AIRE: variants seen among roughly 807,000 people sequenced by gnomAD.
AIRE encodes the protein autoimmune regulator.
A neutral mutation model predicts 62.1 loss-of-function variants in AIRE; 52 were observed. The ratio of observed to expected loss-of-function variants is 0.84; its 90% CI spans 0.67 to 1.06. AIRE has a LOEUF of 1.06. AIRE is among the 50% of genes least tolerant of loss of function. The pLI is 0.00. For synonymous variants in AIRE, 342 were observed against 321.6 expected (o/e 1.06, Z -0.68); for missense variants, 774 against 755.8 (o/e 1.02, Z -0.28).
In AIRE at chr21:44,290,016, A is replaced by C. The variant is rs780067507; in HGVS notation, c.827A>C (p.Gln276Pro). 1 of 1,610,992 alleles carries C rather than the reference A, an allele frequency of 6.2e-7. No homozygotes were observed. The highest frequency in any genetic ancestry group is 8.5e-7 in the Non-Finnish European group (1 of 1,179,462). The change falls in exon 7 of 14, where the codon CAG (glutamine) becomes CCG (proline). Residue 276 changes from glutamine to proline, a missense_variant. Physicochemically the swap from Gln to Pro is moderately conservative, Grantham distance 76. Coordinates refer to ENST00000291582, the MANE Select transcript of AIRE (RefSeq NM_000383.4). ...GGAGGTGAGGCTAGGCTGGGCCAGC[A>C]GGGCAGCGTTCCCGCCCCTCTGGCC... ...PGGGEARLGQ[Q>P]GSVPAPLALP...
At chr21:44,288,280 CATAGAGT>C in intron 4 of AIRE, 58 bp from the exon 5 acceptor site, 2 of 1,303,966 alleles carry the variant, frequency 1.5e-6, no homozygotes, top group Non-Finnish European at 2.2e-6. Flanking sequence ...CTGCTTCTGG[CATAGAGT>C]ATGTGCTTGG....
chr21:44,290,161 T>G, intron 7 of AIRE, 93 bp downstream of exon 7: 1 of 1,543,172 alleles, frequency 6.5e-7, no homozygotes, highest in Non-Finnish European at 8.8e-7. Context: ...CACTCAGGGA[T>G]GAGCACCGGG....
At chr21:44,295,135 G>C (rs893855230) in intron 12 of AIRE, among the ~76,000 whole-genome samples, 1 of 152,192 alleles carries the variant, frequency 6.6e-6, no homozygotes, top group Non-Finnish European at 1.5e-5. Flanking sequence ...CCCCAGCAGA[G>C]GCCTCCTGAG....
In AIRE at chr21:44,287,568, A is replaced by T; in HGVS notation, c.515A>T (p.Gln172Leu). 5.1e-6 allele frequency: 8 copies of T among 1,558,730 alleles called. No individual in the cohort carries two copies. Among genetic ancestry groups the T allele is most frequent in the Non-Finnish European group, 6.9e-6 (8 of 1,151,362 alleles). The change falls in exon 4 of 14, where the codon CAG (glutamine) becomes CTG (leucine). Residue 172 changes from glutamine (Q) to leucine (L), a missense_variant. Transcript: ENST00000291582. The surrounding 1 kb of genome is among the most constrained non-coding windows in gnomAD (Gnocchi z 4.3). ...AAGAAGCCGGAGAGCAGCGCAGAGC[A>T]GCAGCGCCTTCCACTCGGGAACGGT... ...PPKKPESSAE[Q>L]QRLPLGNGIQ...
At chr21:44,289,397 T>A (rs992766088) in intron 5 of AIRE, 10 of 543,594 alleles carry the variant, frequency 1.8e-5, no homozygotes, top group African/African-American at 3.8e-5. Flanking sequence ...TAATCACATC[T>A]ACAAAGACCC....
At position 44,286,202 on chromosome 21, in the gene AIRE, A is replaced by G. The variant is rs894203608; in HGVS notation, c.132+64A>G. 6.9e-7 allele frequency: 1 copy of G among 1,452,292 alleles called. No homozygotes were observed. The highest frequency in any genetic ancestry group is 1.4e-5 in the African/African-American group (1 of 69,436). The allele number at this position is 1,452,292 out of a possible 1,614,324, so 90.0% of individuals were successfully genotyped here. Reference sequence around the variant, plus strand: ...GTGAGCCAGGGATAGTCCCCGGGGAAGTTCCAGGAGGACCCCGCCCCTCCA... The same window carrying G: ...GTGAGCCAGGGATAGTCCCCGGGGAGGTTCCAGGAGGACCCCGCCCCTCCA... On this transcript the variant is annotated intron_variant, in intron 1 of 13. Coordinates refer to ENST00000291582, the MANE Select transcript of AIRE (RefSeq NM_000383.4). This position sits in a 1 kb window ranked among gnomAD's most constrained non-coding sequence, Gnocchi z 6.0.
In AIRE at chr21:44,286,939, C is replaced by T; in HGVS notation, c.308-39C>T. On this transcript the variant is annotated intron_variant, in intron 2 of 13. Coordinates refer to ENST00000291582, the MANE Select transcript of AIRE (RefSeq NM_000383.4). This position sits in a 1 kb window ranked among gnomAD's most constrained non-coding sequence, Gnocchi z 6.0. Reference sequence around the variant, plus strand: ...GGGCCCACCCTACCCCTGGAGAAAACCCTGAGGTTGGGACCCTGCTCCTGC... The same window carrying T: ...GGGCCCACCCTACCCCTGGAGAAAATCCTGAGGTTGGGACCCTGCTCCTGC... 1 of 1,612,548 alleles carries T rather than the reference C, an allele frequency of 6.2e-7. No homozygotes were observed. Among genetic ancestry groups the T allele is most frequent in the Non-Finnish European group, 8.5e-7 (1 of 1,179,854 alleles).
Position 44,287,133 on chromosome 21 carries a change from G to C in AIRE, c.463G>C (p.Gly155Arg). 6.2e-7 allele frequency: 1 copy of C among 1,612,216 alleles called. No homozygotes were observed. Among genetic ancestry groups the C allele is most frequent in the Non-Finnish European group, 8.5e-7 (1 of 1,179,892 alleles). The change falls in exon 3 of 14, where the codon GGC becomes CGC. Residue 155 changes from glycine to arginine, a missense_variant and splice_region_variant. Around this residue, in one of 3 missense-constraint regions of AIRE, gnomAD observed 385 missense variants for 396.0 expected, o/e 0.97. Coordinates refer to ENST00000291582, the MANE Select transcript of AIRE (RefSeq NM_000383.4). This position sits in a 1 kb window ranked among gnomAD's most constrained non-coding sequence, Gnocchi z 4.3. ...ALTPRGTASP[G>R]SQLKAKPPKK... Reference sequence around the variant, plus strand: ...GACTCCAAGGGGCACCGCCAGCCCAGGTACCCTCCCTGCAGGGGAAGCCAG... The same window carrying C: ...GACTCCAAGGGGCACCGCCAGCCCACGTACCCTCCCTGCAGGGGAAGCCAG...
At position 44,287,101 on chromosome 21, in the gene AIRE, C is replaced by T; in HGVS notation, c.431C>T (p.Ala144Val). 2 of 1,612,628 alleles carry T rather than the reference C, an allele frequency of 1.2e-6. No individual in the cohort carries two copies. The highest frequency in any genetic ancestry group is 1.7e-6 in the Non-Finnish European group (2 of 1,179,936). ...GAAGAGGCTCGAGCTGCCGCGCCAG[C>T]AGCCCTGACTCCAAGGGGCACCGCC... ...ASEEARAAAP[A>V]ALTPRGTASP... is the part of the protein sequence containing the mutation. Residue 144 changes from alanine to valine, a missense_variant, in exon 3 of 14, where the codon GCA (alanine) becomes GTA (valine). Transcript: ENST00000291582. This position sits in a 1 kb window ranked among gnomAD's most constrained non-coding sequence, Gnocchi z 4.3.
chr21:44,290,237 T>C, intron 7 of AIRE, 169 bp downstream of exon 7: 1 of 984,718 alleles, frequency 1.0e-6, no homozygotes, highest in Non-Finnish European at 1.2e-6. Flanking sequence ...TTCCTGATAA[T>C]ACGCAATGGT....
At chr21:44,288,058 G>T (rs939281724) in intron 4 of AIRE, among the ~76,000 whole-genome samples, 5 of 152,156 alleles carry the variant, frequency 3.3e-5, no homozygotes, top group Non-Finnish European at 4.4e-5. Context: ...GTCATGGGGG[G>T]GTGGGTCTGG....
intron 7 of AIRE, 183 bp from the exon 8 acceptor site, chr21:44,290,912 G>A (rs1444845794): frequency 6.2e-7 from 1 of 1,611,090 alleles, no homozygotes; most frequent in Admixed American, 1.7e-5. Context: ...TTGGAGACCA[G>A]ATGGATGGGG....
chr21:44,291,509 G>A (rs958018534), intron 8 of AIRE, among the ~76,000 whole-genome samples: 1 of 152,094 alleles, frequency 6.6e-6, no homozygotes, highest in African/African-American at 2.4e-5. Flanking sequence ...TGCAGCCCAC[G>A]CCCCCATGGG....
chr21:44,292,305 G>T lies in AIRE; in HGVS notation c.999G>T (p.Gly333=), dbSNP rs1445602810. ...TGACTGGTGGACACACGAGCAGTGG[G>T]ACCTGGAGGTGCTCCAGCTGCCTGC... ...LSPPLREIPS[G]TWRCSSCLQA... is the part of the protein sequence containing the mutation. Residue 333 remains glycine (G), a synonymous_variant, in exon 9 of 14, where the codon GGG becomes GGT. Transcript: ENST00000291582. The T allele has an allele frequency of 6.4e-7, 1 of 1,572,174 alleles. No homozygotes were observed. Among genetic ancestry groups the T allele is most frequent in the South Asian group, 1.2e-5 (1 of 85,492 alleles).
At chr21:44,294,644 A>AT in intron 12 of AIRE, 141 bp downstream of exon 12, 1 of 442,008 alleles carries the variant, frequency 2.3e-6, no homozygotes, top group Non-Finnish European at 4.0e-6. Flanking sequence ...CCATGTGCTC[A>AT]TTATCTGTAG....
intron 13 of AIRE, among the ~76,000 whole-genome samples, chr21:44,296,884 C>T (rs1211522845): frequency 6.6e-6 from 1 of 152,182 alleles, no homozygotes; most frequent in Non-Finnish European, 1.5e-5. Flanking sequence ...CCAACTCAGG[C>T]CTCTCTACGC....
chr21:44,293,491 C>T (rs547722975), intron 10 of AIRE, among the ~76,000 whole-genome samples: 2 of 152,060 alleles, frequency 1.3e-5, no homozygotes, highest in African/African-American at 4.8e-5. Flanking sequence ...TGGGCACCGC[C>T]TTTCAGGAGA....
chr21:44,288,228 C>A, intron 4 of AIRE, 117 bp from the exon 5 acceptor site: 1 of 870,698 alleles, frequency 1.1e-6, no homozygotes, highest in South Asian at 1.4e-5. Context: ...CCTCCTTGGC[C>A]TGCCCTGGCT....
chr21:44,287,124 G>A lies in AIRE; in HGVS notation c.454G>A (p.Ala152Thr), dbSNP rs771314896. The change falls in exon 3 of 14, where the codon GCC becomes ACC. Residue 152 changes from alanine (A) to threonine (T), a missense_variant. This residue lies in a region of AIRE where 385 missense variants were observed against 396.0 expected (regional missense o/e 0.97). Transcript: ENST00000291582. This position sits in a 1 kb window ranked among gnomAD's most constrained non-coding sequence, Gnocchi z 4.3. The part of the protein sequence containing the change: ...APAALTPRGT[A>T]SPGSQLKAKP... ...AGCAGCCCTGACTCCAAGGGGCACCGCCAGCCCAGGTACCCTCCCTGCAGG... is the reference window on the plus strand; with the variant it reads ...AGCAGCCCTGACTCCAAGGGGCACCACCAGCCCAGGTACCCTCCCTGCAGG... 35 of 1,612,140 alleles carry A rather than the reference G, an allele frequency of 2.2e-5. No individual in the cohort carries two copies. The highest frequency in any genetic ancestry group is 1.7e-4 in the Middle Eastern group (1 of 6,020).
Sources: allele counts gnomAD v4.1 joint callset (sites outside exome capture counted in the v4.1 genomes callset), GRCh38; gene constraint gnomAD v4.1.1; regional missense constraint gnomAD v4.1.1; non-coding constraint Gnocchi (gnomAD v3.1); transcripts MANE v1.5; gene names NCBI Gene and HGNC (gene_info 2026-07-23, HGNC 2026-07-21).